The following FRMD4B variants were observed in gnomAD, a reference collection of about 807,000 sequenced individuals.
FRMD4B encodes the protein FERM domain containing 4B.
In FRMD4B, 74 loss-of-function variants were observed where a neutral mutation model predicts 141.5. That is an observed-to-expected ratio of 0.52 (90% CI 0.43 to 0.63). FRMD4B has a LOEUF of 0.63. Among genes scored for constraint, FRMD4B ranks in the 30% least tolerant of loss-of-function variants. FRMD4B has a pLI of 0.00. For missense variants in FRMD4B, 1,366 were observed against 1,253.4 expected (o/e 1.09, Z -1.36); for synonymous variants, 506 against 467.9 (o/e 1.08, Z -1.05).
chr3:69,490,755 A>T (rs1422963026), intron 1 of FRMD4B, among the ~76,000 whole-genome samples: 1 of 152,158 alleles, frequency 6.6e-6, no homozygotes, highest in Admixed American at 6.5e-5. Flanking sequence ...TTCCCTGAGG[A>T]CGGGAGCTCT....
At chr3:69,185,300 C>CAAAAAAA (rs1237352393) in intron 19 of FRMD4B, among the ~76,000 whole-genome samples, 1 of 67,942 alleles carries the variant, frequency 1.5e-5, no homozygotes, top group African/African-American at 5.0e-5. Context: ...GACTCCGTCT[C>CAAAAAAA]AAAAAAAAAA....
intron 7 of FRMD4B, among the ~76,000 whole-genome samples, chr3:69,245,664 CTT>C (rs71115668): frequency 1.3e-3 from 131 of 102,456 alleles, no homozygotes; most frequent in Middle Eastern, 0.01. Context: ...ATTTTCTTTT[CTT>C]TTTTTTTTTT....
At chr3:69,346,545 T>C (rs1057336030) in intron 1 of FRMD4B, among the ~76,000 whole-genome samples, 8 of 151,902 alleles carry the variant, frequency 5.3e-5, no homozygotes, top group Admixed American at 5.2e-4. Context: ...TCACCAAAGT[T>C]GAAATGAAGG....
chr3:69,249,960 T>A lies in FRMD4B; in HGVS notation c.558+83A>T. On this transcript the variant is annotated intron_variant, in intron 6 of 22. Coordinates refer to ENST00000398540, the MANE Select transcript of FRMD4B (RefSeq NM_015123.3). ...TAAAAATCCAACAAACACTGGCCCA[T>A]GCAAAAGTTTCAGAGTTGCAGGCAG... The A allele has an allele frequency of 6.8e-6, 6 of 887,326 alleles. No individual in the cohort carries two copies. The South Asian group carries it at 8.1e-5, about 12-fold the overall frequency. 55.0% of individuals were successfully genotyped at this position (887,326 alleles called of 1,614,324 possible).
intron 4 of FRMD4B, among the ~76,000 whole-genome samples, chr3:69,289,082 A>T (rs910747862): frequency 1.3e-5 from 2 of 152,218 alleles, no homozygotes; most frequent in Admixed American, 6.5e-5. Context: ...GTTAATGAAG[A>T]TGGAGGAGTG....
At chr3:69,485,472 G>A (rs1217486390) in intron 1 of FRMD4B, among the ~76,000 whole-genome samples, 1 of 152,200 alleles carries the variant, frequency 6.6e-6, no homozygotes, top group Non-Finnish European at 1.5e-5. Flanking sequence ...CTGCTCAGGA[G>A]AACAGCGTTC....
chr3:69,283,734 G>A (rs2093654661), intron 5 of FRMD4B, among the ~76,000 whole-genome samples: 1 of 152,186 alleles, frequency 6.6e-6, no homozygotes, highest in African/African-American at 2.4e-5. Context: ...CTCAGTAAAT[G>A]CTGTGTTTGA....
At chr3:69,277,694 G>T (rs1211522868) in intron 5 of FRMD4B, among the ~76,000 whole-genome samples, 1 of 151,484 alleles carries the variant, frequency 6.6e-6, no homozygotes, top group Non-Finnish European at 1.5e-5. Flanking sequence ...ACCACGCCCA[G>T]CTAATTTTTG....
intron 1 of FRMD4B, among the ~76,000 whole-genome samples, chr3:69,459,705 A>G (rs1252036467): frequency 2.0e-5 from 3 of 152,226 alleles, no homozygotes; most frequent in Non-Finnish European, 4.4e-5. Flanking sequence ...ATGAGAGTTA[A>G]AGTATTAATA....
chr3:69,181,914 A>G (rs1296540633), intron 20 of FRMD4B, among the ~76,000 whole-genome samples: 3 of 152,172 alleles, frequency 2.0e-5, no homozygotes, highest in Non-Finnish European at 4.4e-5. Context: ...GGTCAAAATG[A>G]GAAAAGAGCT....
At chr3:69,188,763 C>CAAAAAAAAAAACAAA (rs772918211) in intron 18 of FRMD4B, among the ~76,000 whole-genome samples, 5 of 66,830 alleles carry the variant, frequency 7.5e-5, no homozygotes, top group African/African-American at 2.8e-4. Flanking sequence ...GACTCCGTCT[C>CAAAAAAAAAAACAAA]AAAAAAAAAA....
upstream of FRMD4B, among the ~76,000 whole-genome samples, chr3:69,390,473 G>T (rs370248105): frequency 3.9e-4 from 59 of 152,280 alleles, no homozygotes; most frequent in African/African-American, 1.3e-3. Flanking sequence ...TGCTACTGGC[G>T]TCTAGCAGGT....
intron 3 of FRMD4B, among the ~76,000 whole-genome samples, chr3:69,308,989 T>A (rs564544426): frequency 1.3e-5 from 2 of 152,322 alleles, no homozygotes; most frequent in East Asian, 3.9e-4. Flanking sequence ...GATTTATCTG[T>A]TTGTTTACTT....
intron 12 of FRMD4B, chr3:69,198,415 T>C (rs1032396065): frequency 1.6e-5 from 6 of 381,538 alleles, no homozygotes. Context: ...AAACTATACA[T>C]GCACACAAAA....
chr3:69,189,913 G>A lies in FRMD4B; in HGVS notation c.1754C>T (p.Thr585Ile), dbSNP rs767201576. 5 of 1,598,538 alleles carry A rather than the reference G, an allele frequency of 3.1e-6. No homozygotes were observed. The highest frequency in any genetic ancestry group is 2.7e-5 in the African/African-American group (2 of 74,608). ...CCACTTACGATCATCATAGGTGGTG[G>A]TGTCAGACAAAGAGCTACTCTCTGA... ...IPSESSSLSD[T>I]TTYDDPSDAF... Residue 585 changes from threonine (T) to isoleucine (I), a missense_variant, in exon 18 of 23, where the codon ACC (threonine) becomes ATC (isoleucine). Coordinates refer to ENST00000398540, the MANE Select transcript of FRMD4B (RefSeq NM_015123.3).
intron 5 of FRMD4B, among the ~76,000 whole-genome samples, chr3:69,283,408 A>AAAACAAAAAAC (rs1559777058): frequency 2.8e-5 from 4 of 141,048 alleles, no homozygotes; most frequent in Non-Finnish European, 6.0e-5. Flanking sequence ...CAACAAACAA[A>AAAACAAAAAAC]AAACAAAAAA....
chr3:69,177,783 G>T (rs2107579364), intron 21 of FRMD4B, among the ~76,000 whole-genome samples: 1 of 152,258 alleles, frequency 6.6e-6, no homozygotes, highest in African/African-American at 2.4e-5. Context: ...GATGAGTCTG[G>T]GTTTGTCAGA....
chr3:69,475,180 G>A lies in FRMD4B; in HGVS notation c.-128-42419C>T, dbSNP rs577310544. Among the ~76,000 whole-genome samples the A allele has an allele frequency of 2.0e-5, 3 of 151,798 alleles. No homozygotes were observed. In the South Asian group the frequency reaches 6.3e-4, roughly 32 times the overall value. Reference sequence around the variant, plus strand: ...GTCATAAGCTAATTTCCTGACCTGTGTTTCTATTTTTTCTTTTTCTTTTTT... The same window carrying A: ...GTCATAAGCTAATTTCCTGACCTGTATTTCTATTTTTTCTTTTTCTTTTTT... On this transcript the variant is annotated intron_variant, in intron 1 of 5. Coordinates refer to the FRMD4B transcript ENST00000459638.
At chr3:69,269,646 T>C (rs2093585243) in intron 5 of FRMD4B, among the ~76,000 whole-genome samples, 1 of 152,354 alleles carries the variant, frequency 6.6e-6, no homozygotes, top group African/African-American at 2.4e-5. Context: ...CTGTATTCTT[T>C]TTTGTTTGTT....
Sources: gnomAD v4.1 joint callset for allele counts (sites outside exome capture counted in the v4.1 genomes callset) on GRCh38, gnomAD v4.1.1 for gene constraint, MANE v1.5 for transcripts, NCBI Gene and HGNC (gene_info 2026-07-23, HGNC 2026-07-21) for gene names.